LRRC4C: variants seen among roughly 807,000 people sequenced by gnomAD.
LRRC4C encodes the protein leucine rich repeat containing 4C.
LRRC4C carries 5 observed loss-of-function variants against 33.6 expected under a neutral mutation model. The observed-to-expected ratio is 0.15, with a 90% CI of 0.08 to 0.31. The LOEUF is 0.31. Among genes scored for constraint, LRRC4C ranks in the 10% least tolerant of loss-of-function variants. The pLI is 1.00. For synonymous variants in LRRC4C, 329 were observed against 302.0 expected (o/e 1.09, Z -0.93); for missense variants, 560 against 796.7 (o/e 0.70, Z 3.58).
chr11:40,912,541 A>G lies in LRRC4C; in HGVS notation c.-407+21094T>C, dbSNP rs1273298812. 3.9e-4 allele frequency among the ~76,000 whole-genome samples: 59 copies of G among 152,352 alleles called. 1 individual carries two copies. The East Asian group carries it at 0.01, about 26-fold the overall frequency. The stretch of plus-strand genomic sequence containing the variant: ...AGGCCTGCCCTAAAAGAGCTCCTGA[A>G]GGAAGCGCTAAACATGGAAAGGAAC... On this transcript the variant is annotated intron_variant, in intron 2 of 6. Transcript: ENST00000528697.
chr11:40,368,901 T>C (rs1233350712), intron 3 of LRRC4C, among the ~76,000 whole-genome samples: 2 of 152,180 alleles, frequency 1.3e-5, no homozygotes, highest in African/African-American at 4.8e-5. Flanking sequence ...TAATCTTCAA[T>C]AATGTGATAA....
chr11:40,766,633 T>A (rs1949482221), intron 2 of LRRC4C, among the ~76,000 whole-genome samples: 1 of 151,790 alleles, frequency 6.6e-6, no homozygotes, highest in South Asian at 2.1e-4. Context: ...AAATGTAGAG[T>A]ATGTATTAGA....
chr11:40,627,357 T>C (rs1205507841), intron 3 of LRRC4C, among the ~76,000 whole-genome samples: 1 of 152,076 alleles, frequency 6.6e-6, no homozygotes, highest in Non-Finnish European at 1.5e-5. Flanking sequence ...ACATCAATTA[T>C]GATTTTCGGA....
intron 1 of LRRC4C, among the ~76,000 whole-genome samples, chr11:41,326,061 T>C (rs1951108387): frequency 6.6e-6 from 1 of 151,850 alleles, no homozygotes; most frequent in African/African-American, 2.4e-5. Flanking sequence ...TCTGTGAGGG[T>C]GTTGCCAAAG....
chr11:41,319,386 CTG>C (rs571189570), intron 1 of LRRC4C, among the ~76,000 whole-genome samples: 265 of 152,278 alleles, frequency 1.7e-3, no homozygotes, highest in African/African-American at 6.2e-3. Context: ...TGGAGCATTC[CTG>C]TGGTCAGACT....
chr11:40,762,272 G>A (rs796747419), intron 2 of LRRC4C, among the ~76,000 whole-genome samples: 2 of 152,140 alleles, frequency 1.3e-5, no homozygotes, highest in Non-Finnish European at 2.9e-5. Context: ...TCTAAGGTTG[G>A]TGATACTTTT....
intron 3 of LRRC4C, among the ~76,000 whole-genome samples, chr11:40,573,039 T>A (rs756846675): frequency 6.6e-6 from 1 of 152,200 alleles, no homozygotes; most frequent in Admixed American, 6.5e-5. Context: ...TTAAATTTAG[T>A]TATTAGATTA....
At chr11:40,414,982 C>G (rs986843945) in intron 3 of LRRC4C, among the ~76,000 whole-genome samples, 1 of 152,146 alleles carries the variant, frequency 6.6e-6, no homozygotes, top group African/African-American at 2.4e-5. Context: ...TAACTCCCAT[C>G]ATGAATTTCA....
At chr11:41,269,603 G>GAC (rs1429529841) in intron 1 of LRRC4C, among the ~76,000 whole-genome samples, 2 of 152,110 alleles carry the variant, frequency 1.3e-5, no homozygotes, top group Non-Finnish European at 1.5e-5. Flanking sequence ...GAGGGAAGAT[G>GAC]ACACGGTCGA....
chr11:40,155,385 T>TA (rs1296681978), intron 5 of LRRC4C, among the ~76,000 whole-genome samples: 2 of 150,926 alleles, frequency 1.3e-5, no homozygotes, highest in Non-Finnish European at 3.0e-5. Context: ...AAATTGAAAT[T>TA]AAAAAAATAC....
At chr11:40,491,568 C>T (rs1184357913) in intron 3 of LRRC4C, among the ~76,000 whole-genome samples, 1 of 152,094 alleles carries the variant, frequency 6.6e-6, no homozygotes, top group Non-Finnish European at 1.5e-5. Context: ...TACCTCAGCT[C>T]TTAGAAGCTG....
At chr11:40,402,443 C>A (rs1483899580) in intron 3 of LRRC4C, among the ~76,000 whole-genome samples, 1 of 152,048 alleles carries the variant, frequency 6.6e-6, no homozygotes, top group Non-Finnish European at 1.5e-5. Context: ...AGACTCATGA[C>A]TACAGAGTTT....
rs75107052 is a variant in LRRC4C at position 41,149,047 on chromosome 11, T to C, written c.-495-215324A>G. ...CCATTATTGGACACAGCAGAACTAC[T>C]TCAGATGAAATGTTTTCCTTGCTTG... On this transcript the variant is annotated intron_variant, in intron 1 of 6. Transcript: ENST00000528697. Among the ~76,000 whole-genome samples the C allele has an allele frequency of 8.8e-3, 1,336 of 152,254 alleles. 21 individuals are homozygous for C. Among genetic ancestry groups the C allele is most frequent in the African/African-American group, 0.03 (1,263 of 41,546 alleles).
intron 3 of LRRC4C, among the ~76,000 whole-genome samples, chr11:40,323,460 T>C (rs1267007573): frequency 2.0e-5 from 3 of 152,252 alleles, no homozygotes; most frequent in East Asian, 1.9e-4. Flanking sequence ...CTCACCTTCA[T>C]AGTTTCATAA....
At chr11:40,903,052 A>G (rs1349601890) in intron 2 of LRRC4C, among the ~76,000 whole-genome samples, 1 of 152,178 alleles carries the variant, frequency 6.6e-6, no homozygotes, top group African/African-American at 2.4e-5. Flanking sequence ...TAGGACTTTC[A>G]CAGCTAGAGA....
intron 1 of LRRC4C, among the ~76,000 whole-genome samples, chr11:41,292,670 G>T (rs1950024911): frequency 6.6e-6 from 1 of 152,098 alleles, no homozygotes; most frequent in African/African-American, 2.4e-5. Flanking sequence ...TCAATTATTT[G>T]TTACTATCCA....
At chr11:41,143,432 G>A (rs1943598847) in intron 1 of LRRC4C, among the ~76,000 whole-genome samples, 1 of 152,060 alleles carries the variant, frequency 6.6e-6, no homozygotes, top group Non-Finnish European at 1.5e-5. Flanking sequence ...AAAAACAAAA[G>A]AAGGGCTCCT....
At chr11:40,399,525 G>T (rs940346210) in intron 3 of LRRC4C, among the ~76,000 whole-genome samples, 4 of 151,756 alleles carry the variant, frequency 2.6e-5, no homozygotes, top group African/African-American at 9.7e-5. Flanking sequence ...ACACTCCGGG[G>T]ACTGTTGTGG....
At position 40,259,810 on chromosome 11, in the gene LRRC4C, T is replaced by C. The variant is rs910667605; in HGVS notation, c.-175-18212A>G. Among the ~76,000 whole-genome samples, 16 of 151,738 alleles carry C rather than the reference T, an allele frequency of 1.1e-4. 1 individual carries two copies. The East Asian group carries it at 1.7e-3, about 16-fold the overall frequency. On this transcript the variant is annotated intron_variant, in intron 4 of 6. Transcript: ENST00000528697. ...ACCAGTACCATGCTGTTTTGGTTAC[T>C]GTAGCCTGGCCATCAGAGAAATGCA...
Sources: gnomAD v4.1 joint callset for allele counts (sites outside exome capture counted in the v4.1 genomes callset) on GRCh38, gnomAD v4.1.1 for gene constraint, MANE v1.5 for transcripts, NCBI Gene and HGNC (gene_info 2026-07-23, HGNC 2026-07-21) for gene names.